The following DPYD variants were observed in gnomAD, a reference collection of about 807,000 sequenced individuals.
DPYD encodes dihydropyrimidine dehydrogenase [NADP(+)].
A neutral mutation model predicts 116.2 loss-of-function variants in DPYD; 109 were observed. The observed-to-expected ratio is 0.94, with a 90% CI of 0.80 to 1.10. The LOEUF (loss-of-function observed/expected upper bound fraction) is 1.10. Ranked by LOEUF, DPYD falls within the 50% of genes least tolerant of loss-of-function variation. The pLI, the probability that DPYD is intolerant of heterozygous loss-of-function variation, is 0.00. For missense variants in DPYD, 1,302 were observed against 1,254.5 expected (o/e 1.04, Z -0.57); for synonymous variants, 440 against 432.0 (o/e 1.02, Z -0.23).
At chr1:97,423,452 G>A (rs565962194) in intron 14 of DPYD, among the ~76,000 whole-genome samples, 1 of 152,164 alleles carries the variant, frequency 6.6e-6, no homozygotes, top group African/African-American at 2.4e-5. Flanking sequence ...AAAGAAGAGA[G>A]TACAAAATGA....
chr1:97,767,768 T>C (rs978895299), intron 3 of DPYD, among the ~76,000 whole-genome samples: 1 of 151,032 alleles, frequency 6.6e-6, no homozygotes, highest in African/African-American at 2.4e-5. Context: ...TTTTTTTTTT[T>C]TTTTTTTGCA....
chr1:97,788,243 A>G (rs1667143924), intron 3 of DPYD, among the ~76,000 whole-genome samples: 2 of 152,196 alleles, frequency 1.3e-5, no homozygotes, highest in Admixed American at 6.5e-5. Flanking sequence ...CCAATGACCT[A>G]TAAAATGATG....
chr1:97,184,566 G>A (rs1488165299), intron 20 of DPYD, among the ~76,000 whole-genome samples: 1 of 151,948 alleles, frequency 6.6e-6, no homozygotes, highest in Non-Finnish European at 1.5e-5. Context: ...TATCCACGTC[G>A]CTGTGAAAGC....
Position 97,593,221 on chromosome 1 carries a change from C to T in DPYD, c.1125G>A (p.Glu375=), listed in dbSNP as rs761850800. Residue 375 remains glutamate, a synonymous_variant, in exon 10 of 23, where the codon GAG becomes GAA. Coordinates refer to ENST00000370192, the MANE Select transcript of DPYD (RefSeq NM_000110.4). ...TTTTCTGATGGTTCCATTTTACCTCCTCAGGGACAGCTCTTATATTAACAA... is the reference window on the plus strand; with the variant it reads ...TTTTCTGATGGTTCCATTTTACCTCTTCAGGGACAGCTCTTATATTAACAA... ...KGFVNIRAVP[E]EMELAKEEKC... is the part of the protein sequence containing the mutation. The T allele has an allele frequency of 1.2e-6, 2 of 1,613,984 alleles. No individual in the cohort carries two copies. The highest frequency in any genetic ancestry group is 8.5e-7 in the Non-Finnish European group (1 of 1,179,994).
intron 3 of DPYD, among the ~76,000 whole-genome samples, chr1:97,818,771 CAT>C (rs1668767151): frequency 6.6e-6 from 1 of 151,832 alleles, no homozygotes; most frequent in South Asian, 2.1e-4. Context: ...CGTGTGTGTG[CAT>C]GTGTATATAT....
At chr1:97,788,407 G>A (rs1014344763) in intron 3 of DPYD, among the ~76,000 whole-genome samples, 1 of 152,162 alleles carries the variant, frequency 6.6e-6, no homozygotes, top group Non-Finnish European at 1.5e-5. Flanking sequence ...AAAGATGCCA[G>A]ATACCTTAGC....
chr1:97,661,275 CT>C (rs1314683398), intron 8 of DPYD, among the ~76,000 whole-genome samples: 1 of 152,142 alleles, frequency 6.6e-6, no homozygotes, highest in Non-Finnish European at 1.5e-5. Context: ...AGATCAAAGA[CT>C]TGCCTACAGT....
chr1:97,870,061 C>G (rs2101614091), intron 2 of DPYD, among the ~76,000 whole-genome samples: 2 of 151,936 alleles, frequency 1.3e-5, no homozygotes, highest in Middle Eastern at 6.8e-3. Context: ...ATATTTGGAG[C>G]TCCATATTCA....
chr1:97,315,604 T>C (rs1570496151), intron 16 of DPYD, among the ~76,000 whole-genome samples: 1 of 151,974 alleles, frequency 6.6e-6, no homozygotes, highest in African/African-American at 2.4e-5. Context: ...TGTAAGAGGA[T>C]TACGCTATAT....
At chr1:97,742,940 T>G (rs1231218830) in intron 3 of DPYD, among the ~76,000 whole-genome samples, 1 of 152,050 alleles carries the variant, frequency 6.6e-6, no homozygotes, top group African/African-American at 2.4e-5. Context: ...AGTCACAAGT[T>G]TTCTGCTTTT....
At chr1:97,136,156 C>T (rs532050926) in intron 20 of DPYD, among the ~76,000 whole-genome samples, 2 of 152,258 alleles carry the variant, frequency 1.3e-5, no homozygotes, top group South Asian at 2.1e-4. Context: ...TCTGCTTCCA[C>T]ACAAGAATGA....
At chr1:97,565,905 C>T (rs1199312874) in intron 11 of DPYD, among the ~76,000 whole-genome samples, 3 of 152,074 alleles carry the variant, frequency 2.0e-5, no homozygotes, top group South Asian at 2.1e-4. Flanking sequence ...CCATCATTTA[C>T]GAAGATGAGA....
chr1:97,305,133 G>T, intron 18 of DPYD, 126 bp downstream of exon 18: 1 of 1,345,412 alleles, frequency 7.4e-7, no homozygotes, highest in Non-Finnish European at 1.1e-6. Flanking sequence ...TAACTATTAG[G>T]AATATTGATC....
intron 8 of DPYD, among the ~76,000 whole-genome samples, chr1:97,601,747 T>C (rs1655261375): frequency 6.6e-6 from 1 of 151,988 alleles, no homozygotes; most frequent in African/African-American, 2.4e-5. Flanking sequence ...CCTATTGTGG[T>C]TCTTTTCTCA....
chr1:97,730,005 C>CT (rs1481704921), intron 4 of DPYD, among the ~76,000 whole-genome samples: 1 of 152,094 alleles, frequency 6.6e-6, no homozygotes, highest in Non-Finnish European at 1.5e-5. Context: ...AATACTTCAG[C>CT]TTTTTTCCAA....
intron 3 of DPYD, among the ~76,000 whole-genome samples, chr1:97,760,046 A>T (rs1388224148): frequency 1.3e-5 from 2 of 152,188 alleles, no homozygotes; most frequent in African/African-American, 4.8e-5. Context: ...GATGTCTTCA[A>T]CAGAGAACGG....
chr1:97,920,813 T>C, intron 1 of DPYD, 71 bp downstream of exon 1: 1 of 1,543,910 alleles, frequency 6.5e-7, no homozygotes, highest in Non-Finnish European at 8.8e-7. Context: ...CGCGGGGGCC[T>C]CCCCGGCACC....
intron 19 of DPYD, among the ~76,000 whole-genome samples, chr1:97,210,492 C>T (rs58823115): frequency 2.1e-3 from 316 of 152,212 alleles, no homozygotes; most frequent in African/African-American, 7.4e-3. Context: ...TACAGTAAGG[C>T]ATTCCTCTCT....
At chr1:97,733,285 T>C (rs899564944) in intron 4 of DPYD, among the ~76,000 whole-genome samples, 2 of 152,080 alleles carry the variant, frequency 1.3e-5, no homozygotes, top group Non-Finnish European at 2.9e-5. Context: ...AATTTTAATA[T>C]ATTGTTTTTA....
Sources: allele counts gnomAD v4.1 joint callset (sites outside exome capture counted in the v4.1 genomes callset), GRCh38; gene constraint gnomAD v4.1.1; transcripts MANE v1.5; gene names NCBI Gene and HGNC (gene_info 2026-07-23, HGNC 2026-07-21).